The following MYOM2 variants were observed in gnomAD, a reference collection of about 807,000 sequenced individuals.
MYOM2 encodes myomesin-2.
Under a neutral mutation model 187.6 loss-of-function variants are expected in MYOM2, and 254 were observed. The ratio of observed to expected loss-of-function variants is 1.35; its 90% CI spans 1.22 to 1.50. The LOEUF (loss-of-function observed/expected upper bound fraction) is 1.50. MYOM2 is among the 40% of genes most tolerant of loss of function. MYOM2 has a pLI of 0.00. For synonymous variants in MYOM2, 981 were observed against 753.8 expected (o/e 1.30, Z -4.94); for missense variants, 2,796 against 1,924.0 (o/e 1.45, Z -8.48).
rs889258519 is a variant in MYOM2, at chr8:2,120,484, G to A, written c.3453+2532G>A. On this transcript the variant is annotated intron_variant, in intron 28 of 36. Transcript: ENST00000262113. ...GAGGTCTGCAGTGCACTCGGGAGTG[G>A]ACCCGGGCAAGGGGATTTGCAGGAG... 1.7e-4 allele frequency among the ~76,000 whole-genome samples: 25 copies of A among 150,660 alleles called. No individual in the cohort carries two copies. The South Asian group carries it at 1.9e-3, about 11-fold the overall frequency.
At chr8:2,091,218 T>G (rs1259200223) in intron 15 of MYOM2, among the ~76,000 whole-genome samples, 1 of 152,058 alleles carries the variant, frequency 6.6e-6, no homozygotes. Flanking sequence ...AAAAAAATTT[T>G]TGTTTTGTAG....
intron 3 of MYOM2, among the ~76,000 whole-genome samples, chr8:2,056,287 G>A (rs183609802): frequency 1.3e-5 from 2 of 152,334 alleles, no homozygotes; most frequent in Admixed American, 6.5e-5. Context: ...AGGGATGGCA[G>A]TGAGATGTTT....
intron 34 of MYOM2, 83 bp downstream of exon 34, chr8:2,141,260 G>T: frequency 1.6e-6 from 2 of 1,228,488 alleles, no homozygotes; most frequent in South Asian, 1.3e-5. Context: ...GAATCTGTAT[G>T]GAAGCCTGGG....
chr8:2,129,771 T>A (rs1452081471), intron 32 of MYOM2, among the ~76,000 whole-genome samples: 3 of 152,166 alleles, frequency 2.0e-5, no homozygotes, highest in Non-Finnish European at 2.9e-5. Context: ...CCCATAGCAC[T>A]GGGCAGGTCC....
Position 2,129,213 on chromosome 8 carries a change from A to C in MYOM2, c.3781A>C (p.Lys1261Gln). 6.2e-7 allele frequency: 1 copy of C among 1,610,304 alleles called. No individual in the cohort carries two copies. Among genetic ancestry groups the C allele is most frequent in the African/African-American group, 1.3e-5 (1 of 75,008 alleles). ...CFMKYFTDEM[K>Q]VNWCHKDAKI... Reference sequence around the variant, plus strand: ...CATGAAGTATTTTACAGACGAAATGAAAGTGAACTGGTGTCACAAGTAAGT... The same window carrying C: ...CATGAAGTATTTTACAGACGAAATGCAAGTGAACTGGTGTCACAAGTAAGT... Residue 1261 changes from lysine to glutamine, a missense_variant, in exon 32 of 37, where the codon AAA becomes CAA. By Grantham distance (53) the Lys-to-Gln change is moderately conservative. Transcript: ENST00000262113.
chr8:2,079,876 C>T (rs973967617), intron 13 of MYOM2, among the ~76,000 whole-genome samples: 1 of 152,184 alleles, frequency 6.6e-6, no homozygotes, highest in African/African-American at 2.4e-5. Context: ...TTTACAAAGG[C>T]GTTCTTTCAG....
At position 2,129,946 on chromosome 8, in the gene MYOM2, G is replaced by A. The variant is rs1167120880; in HGVS notation, c.3800+714G>A. ...CACCGCAGATAAAAGTGGACTTCAGGTGGGTGGGAAGGACAGACAGAGCAG... is the reference window on the plus strand; with the variant it reads ...CACCGCAGATAAAAGTGGACTTCAGATGGGTGGGAAGGACAGACAGAGCAG... On this transcript the variant is annotated intron_variant, in intron 32 of 36. Transcript: ENST00000262113. 2.6e-5 allele frequency among the ~76,000 whole-genome samples: 4 copies of A among 152,202 alleles called. No homozygotes were observed. In the South Asian group the frequency reaches 6.2e-4, roughly 24 times the overall value.
chr8:2,122,621 A>G (rs1797495361), intron 28 of MYOM2, among the ~76,000 whole-genome samples: 1 of 152,206 alleles, frequency 6.6e-6, no homozygotes, highest in East Asian at 1.9e-4. Flanking sequence ...ATCTCATGGG[A>G]TTCAAACATT....
At chr8:2,122,884 C>G (rs115948463) in intron 28 of MYOM2, among the ~76,000 whole-genome samples, 1 of 152,118 alleles carries the variant, frequency 6.6e-6, no homozygotes, top group African/African-American at 2.4e-5. Flanking sequence ...TTTACAGACC[C>G]CTCAGAATAT....
chr8:2,060,837 CA>C (rs1818828648), intron 6 of MYOM2, among the ~76,000 whole-genome samples: 1 of 61,538 alleles, frequency 1.6e-5, no homozygotes, highest in Non-Finnish European at 3.6e-5. Context: ...AGACTTCCTT[CA>C]AGGACCACAG....
At chr8:2,127,382 C>T (rs13270145) in intron 31 of MYOM2, among the ~76,000 whole-genome samples, 1,904 of 152,262 alleles carry the variant, frequency 0.013, 23 homozygotes, top group Non-Finnish European at 0.019. Flanking sequence ...CACTCGGTTC[C>T]CTGCGCACTT....
intron 5 of MYOM2, 57 bp from the exon 6 acceptor site, chr8:2,059,096 G>A: frequency 2.0e-6 from 3 of 1,474,254 alleles, no homozygotes; most frequent in South Asian, 2.3e-5. Context: ...GGGCAGAATT[G>A]CACACACACA....
intron 19 of MYOM2, among the ~76,000 whole-genome samples, chr8:2,099,992 CTTCTTTCCTTCCTTCCTTCCT>C (rs1796626360): frequency 7.8e-6 from 1 of 128,750 alleles, no homozygotes; most frequent in Admixed American, 7.5e-5. Context: ...TCCTTCCTTC[CTTCTTTCCTTCCTTCCTTCCT>C]TTCTTTCCTT....
chr8:2,085,148 A>G (rs991434109), intron 13 of MYOM2, 115 bp from the exon 14 acceptor site: 17 of 1,344,342 alleles, frequency 1.3e-5, no homozygotes, highest in South Asian at 8.6e-5. Context: ...ACTTCCCCAA[A>G]TAGAAACAAA....
rs750255057 is a variant in MYOM2 at position 2,106,392 on chromosome 8, G to C, written c.2885G>C (p.Gly962Ala). Reference sequence around the variant, plus strand: ...GAGAGGTTTAAAATTGAAACCGTGGGGGATCAGTAAGTGAGGCCTGGAAGT... The same window carrying C: ...GAGAGGTTTAAAATTGAAACCGTGGCGGATCAGTAAGTGAGGCCTGGAAGT... Reference protein sequence around the residue: ...DDERFKIETVGDHSKLYLKNP... With the variant: ...DDERFKIETVADHSKLYLKNP... The change falls in exon 22 of 37, where the codon GGG becomes GCG. Residue 962 changes from glycine (G) to alanine (A), a missense_variant. Transcript: ENST00000262113. 6.2e-7 allele frequency: 1 copy of C among 1,613,996 alleles called. No individual in the cohort carries two copies. Among genetic ancestry groups the C allele is most frequent in the Non-Finnish European group, 8.5e-7 (1 of 1,179,868 alleles).
chr8:2,136,145 G>T (rs145478952), intron 32 of MYOM2, among the ~76,000 whole-genome samples: 1 of 152,316 alleles, frequency 6.6e-6, no homozygotes, highest in African/African-American at 2.4e-5. Context: ...AAGAGAACCT[G>T]GGGTCAGAAC....
chr8:2,045,806 C>A (rs1335217108), intron 1 of MYOM2, among the ~76,000 whole-genome samples: 1 of 152,192 alleles, frequency 6.6e-6, no homozygotes, highest in East Asian at 1.9e-4. Context: ...CTTCTCAGGG[C>A]GTGCTCTTGA....
intron 32 of MYOM2, 148 bp downstream of exon 32, chr8:2,129,380 G>A (rs1441546634): frequency 3.7e-6 from 2 of 538,080 alleles, no homozygotes; most frequent in East Asian, 5.7e-5. Flanking sequence ...ACAACCTTTA[G>A]CTCAGGGAAG....
At chr8:2,121,032 C>G (rs1324261867) in intron 28 of MYOM2, among the ~76,000 whole-genome samples, 1 of 151,986 alleles carries the variant, frequency 6.6e-6, no homozygotes, top group Non-Finnish European at 1.5e-5. Flanking sequence ...CTTTAGAAGT[C>G]TTGCTCAACA....
Sources: gnomAD v4.1 joint callset for allele counts (sites outside exome capture counted in the v4.1 genomes callset) on GRCh38, gnomAD v4.1.1 for gene constraint, MANE v1.5 for transcripts, NCBI Gene and HGNC (gene_info 2026-07-23, HGNC 2026-07-21) for gene names.